The following GRIA3 variants were observed in gnomAD, a reference collection of about 807,000 sequenced individuals.
GRIA3 encodes glutamate ionotropic receptor AMPA type subunit 3, also known as glutamate receptor 3.
A neutral mutation model predicts 63.0 loss-of-function variants in GRIA3; 3 were observed. The observed-to-expected ratio is 0.05, with a 90% confidence interval of 0.02 to 0.12. The LOEUF is 0.12. GRIA3 is among the 10% of genes least tolerant of loss of function. The pLI is 1.00. For missense variants in GRIA3, 347 were observed against 700.9 expected (o/e 0.50, Z 5.70); for synonymous variants, 274 against 257.9 (o/e 1.06, Z -0.60).
chrX:123,360,368 A>AT (rs770522140), intron 5 of GRIA3, among the ~76,000 whole-genome samples: 33 of 109,709 alleles, frequency 3.0e-4, no homozygotes, highest in Middle Eastern at 4.7e-3. Flanking sequence ...GTGATCAGAG[A>AT]TAAAAAGGGC....
chrX:123,357,749 A>G (rs1471916956), intron 5 of GRIA3, among the ~76,000 whole-genome samples: 1 of 111,346 alleles, frequency 9.0e-6, no homozygotes, highest in Admixed American at 9.6e-5. Flanking sequence ...GGGAATGTCT[A>G]CTACAAGAAC....
chrX:123,221,595 C>T (rs1928288237), intron 2 of GRIA3, among the ~76,000 whole-genome samples: 1 of 111,972 alleles, frequency 8.9e-6, no homozygotes, highest in African/African-American at 3.3e-5. Flanking sequence ...TGACAGGCTA[C>T]AGCCGAAGCT....
chrX:123,243,953 T>C (rs755427678), intron 2 of GRIA3, among the ~76,000 whole-genome samples: 32 of 112,637 alleles, frequency 2.8e-4, no homozygotes, highest in African/African-American at 9.7e-4. Flanking sequence ...GACATTGCTA[T>C]GGAAGGATGA....
At chrX:123,220,075 T>C (rs1928254692) in intron 2 of GRIA3, among the ~76,000 whole-genome samples, 1 of 112,326 alleles carries the variant, frequency 8.9e-6, no homozygotes, top group Non-Finnish European at 1.9e-5. Flanking sequence ...TCACATCACC[T>C]CAGGGGATCC....
chrX:123,214,286 C>T (rs1265757420), intron 2 of GRIA3, among the ~76,000 whole-genome samples: 2 of 111,466 alleles, frequency 1.8e-5, no homozygotes, highest in Admixed American at 9.5e-5. Context: ...AAGCAGTAAC[C>T]GGCAAACAGA....
At chrX:123,236,334 T>C (rs2044301690) in intron 2 of GRIA3, among the ~76,000 whole-genome samples, 1 of 111,544 alleles carries the variant, frequency 9.0e-6, no homozygotes, top group Non-Finnish European at 1.9e-5. Context: ...GTCTGCAGCA[T>C]TGCTTTGTGG....
chrX:123,193,815 C>T (rs1304193655), intron 2 of GRIA3, among the ~76,000 whole-genome samples: 5 of 111,587 alleles, frequency 4.5e-5, no homozygotes, highest in African/African-American at 1.6e-4. Context: ...AACCAGAATT[C>T]TCTGTTCAGA....
chrX:123,184,655 G>A lies in GRIA3; in HGVS notation c.109+11G>A, dbSNP rs779829666. 1 of 1,135,104 alleles carries A rather than the reference G, an allele frequency of 8.8e-7. No individual in the cohort carries two copies. The highest frequency in any genetic ancestry group is 1.2e-6 in the Non-Finnish European group (1 of 826,334). 93.5% of individuals were successfully genotyped at this position (1,135,104 alleles called of 1,213,427 possible). ...ACACCATCAGCATAGGTAAGCGCAA[G>A]CGAGCCAGCCGTCGGTCCAGGCTCT... On this transcript the variant is annotated intron_variant, in intron 1 of 15. Coordinates refer to ENST00000620443, the MANE Select transcript of GRIA3 (RefSeq NM_007325.5).
chrX:123,203,664 C>T (rs1184786805), intron 2 of GRIA3, among the ~76,000 whole-genome samples: 2 of 111,734 alleles, frequency 1.8e-5, no homozygotes, highest in East Asian at 2.8e-4. Flanking sequence ...CCTATTCCCC[C>T]ACTCATCAAG....
chrX:123,271,006 G>A (rs974588582), intron 3 of GRIA3, among the ~76,000 whole-genome samples: 4 of 111,779 alleles, frequency 3.6e-5, no homozygotes, highest in Non-Finnish European at 7.5e-5. Context: ...AGGCATCTTA[G>A]AAGAAGAGAC....
At chrX:123,376,530 T>C (rs1396705890) in intron 5 of GRIA3, among the ~76,000 whole-genome samples, 1 of 112,475 alleles carries the variant, frequency 8.9e-6, no homozygotes, top group African/African-American at 3.2e-5. Flanking sequence ...GAATATATGA[T>C]AGAAAACATA....
At chrX:123,264,454 G>A (rs1243385652) in intron 3 of GRIA3, among the ~76,000 whole-genome samples, 2 of 111,123 alleles carry the variant, frequency 1.8e-5, no homozygotes, top group Non-Finnish European at 3.8e-5. Context: ...GGAGATGAAA[G>A]GGGGCCCAAT....
chrX:123,320,385 G>A (rs764738343), intron 3 of GRIA3, among the ~76,000 whole-genome samples: 6 of 112,233 alleles, frequency 5.3e-5, no homozygotes, highest in African/African-American at 1.9e-4. Context: ...ATGTACGTGT[G>A]TTCGCTGAAA....
chrX:123,365,157 A>C (rs1003374836), intron 5 of GRIA3, among the ~76,000 whole-genome samples: 4 of 112,220 alleles, frequency 3.6e-5, no homozygotes, highest in Non-Finnish European at 7.5e-5. Context: ...TATGTGAATT[A>C]GCTTGATCTA....
At chrX:123,211,359 A>G (rs1231323161) in intron 2 of GRIA3, among the ~76,000 whole-genome samples, 1 of 111,618 alleles carries the variant, frequency 9.0e-6, no homozygotes, top group African/African-American at 3.3e-5. Flanking sequence ...CTCCTAATTA[A>G]AAGGCAGTAA....
At chrX:123,283,420 G>A (rs1224595664) in intron 3 of GRIA3, among the ~76,000 whole-genome samples, 1 of 111,171 alleles carries the variant, frequency 9.0e-6, no homozygotes, top group Admixed American at 9.5e-5. Flanking sequence ...TGGAAAGGGG[G>A]CTGAAGCCAG....
intron 3 of GRIA3, among the ~76,000 whole-genome samples, chrX:123,299,320 G>C (rs2044705649): frequency 9.0e-6 from 1 of 111,567 alleles, no homozygotes; most frequent in East Asian, 2.8e-4. Flanking sequence ...GCTTTGGGCA[G>C]TATGGCCATT....
intron 15 of GRIA3, among the ~76,000 whole-genome samples, chrX:123,486,083 G>A (rs2045938961): frequency 1.9e-5 from 2 of 103,780 alleles, no homozygotes; most frequent in Non-Finnish European, 3.9e-5. Flanking sequence ...AAGGAAGGAA[G>A]GATGGAGGCA....
chrX:123,302,775 T>C (rs2044731694), intron 3 of GRIA3, among the ~76,000 whole-genome samples: 2 of 111,283 alleles, frequency 1.8e-5, no homozygotes, highest in Middle Eastern at 4.7e-3. Context: ...CCTTTCCCTA[T>C]AAGCCAGAAA....
Sources: gnomAD v4.1 joint callset for allele counts (sites outside exome capture counted in the v4.1 genomes callset) on GRCh38, gnomAD v4.1.1 for gene constraint, MANE v1.5 for transcripts, NCBI Gene and HGNC (gene_info 2026-07-23, HGNC 2026-07-21) for gene names.